Variants in MBD5 observed in about 807,000 individuals in gnomAD.
MBD5 encodes the protein methyl-CpG-binding domain protein 5.
A neutral mutation model predicts 117.3 loss-of-function variants in MBD5; 13 were observed. The observed-to-expected ratio is 0.11, with a 90% CI of 0.07 to 0.18. The LOEUF (loss-of-function observed/expected upper bound fraction) is 0.18, where lower values mean the gene tolerates loss of function less well. Among genes scored for constraint, MBD5 ranks in the 10% least tolerant of loss-of-function variants. The pLI is 1.00. For synonymous variants in MBD5, 727 were observed against 766.4 expected (o/e 0.95, Z 0.85); for missense variants, 1,879 against 2,093.8 (o/e 0.90, Z 2.00).
intron 3 of MBD5, among the ~76,000 whole-genome samples, chr2:148,234,322 G>C (rs567930651): frequency 6.6e-6 from 1 of 152,008 alleles, no homozygotes; most frequent in Non-Finnish European, 1.5e-5. Context: ...CCATGAAAAC[G>C]TGTCTGCTTT....
chr2:148,286,865 T>C (rs1286655206), intron 3 of MBD5, among the ~76,000 whole-genome samples: 10 of 152,188 alleles, frequency 6.6e-5, no homozygotes, highest in African/African-American at 9.7e-5. Context: ...GAAAAATATT[T>C]AACTGAAGGC....
chr2:148,270,052 A>G (rs1040635983), intron 3 of MBD5, among the ~76,000 whole-genome samples: 6 of 152,028 alleles, frequency 3.9e-5, no homozygotes, highest in Non-Finnish European at 8.8e-5. Context: ...GTGTATTATA[A>G]GTTTTTCAAA....
intron 1 of MBD5, chr2:148,028,679 A>C (rs1007057438): frequency 1.3e-5 from 2 of 152,068 alleles, no homozygotes; most frequent in African/African-American, 4.8e-5. Context: ...GCAAATATTG[A>C]TTTTTAAATA....
At chr2:148,298,205 C>T (rs1299523625) in intron 3 of MBD5, among the ~76,000 whole-genome samples, 1 of 152,180 alleles carries the variant, frequency 6.6e-6, no homozygotes, top group African/African-American at 2.4e-5. Flanking sequence ...AGAAAGGGAA[C>T]CCCTGGCCTC....
chr2:148,272,857 T>C (rs78299951), intron 3 of MBD5, among the ~76,000 whole-genome samples: 19,279 of 152,180 alleles, frequency 0.13, 1,455 homozygotes, highest in Non-Finnish European at 0.18. Flanking sequence ...GATATATCTT[T>C]ATGTATCTGT....
At chr2:148,034,941 A>G (rs1573934582) in intron 1 of MBD5, among the ~76,000 whole-genome samples, 1 of 152,170 alleles carries the variant, frequency 6.6e-6, no homozygotes, top group East Asian at 1.9e-4. Context: ...GGGTTTGAGC[A>G]TTGGCTCCAT....
chr2:148,065,489 T>C (rs1424986250), intron 1 of MBD5, among the ~76,000 whole-genome samples: 1 of 152,138 alleles, frequency 6.6e-6, no homozygotes, highest in Non-Finnish European at 1.5e-5. Context: ...AACCAGACTA[T>C]TTCCTTTAAC....
chr2:148,510,923 G>T (rs1453374837), intron 13 of MBD5, among the ~76,000 whole-genome samples: 1 of 152,140 alleles, frequency 6.6e-6, no homozygotes, highest in Non-Finnish European at 1.5e-5. Flanking sequence ...GTTTTCTAGG[G>T]CCAGGCAAAT....
intron 3 of MBD5, among the ~76,000 whole-genome samples, chr2:148,336,747 G>A (rs558620017): frequency 2.0e-5 from 3 of 152,178 alleles, no homozygotes; most frequent in East Asian, 1.9e-4. Flanking sequence ...CTGAGGCATC[G>A]TCAACACTTA....
At chr2:148,090,666 C>T (rs1695917947) in intron 1 of MBD5, among the ~76,000 whole-genome samples, 1 of 151,884 alleles carries the variant, frequency 6.6e-6, no homozygotes, top group Non-Finnish European at 1.5e-5. Context: ...AAAATCCTCA[C>T]CAAAGACAGC....
At chr2:148,338,528 C>T (rs2105115635) in intron 3 of MBD5, among the ~76,000 whole-genome samples, 1 of 152,114 alleles carries the variant, frequency 6.6e-6, no homozygotes, top group Admixed American at 6.5e-5. Context: ...GCAGAAGGAG[C>T]ACAAAAGAGG....
At chr2:148,356,988 T>G (rs1703397339) in intron 4 of MBD5, among the ~76,000 whole-genome samples, 1 of 152,194 alleles carries the variant, frequency 6.6e-6, no homozygotes, top group Non-Finnish European at 1.5e-5. Flanking sequence ...AATTTTTATG[T>G]TTGAATTTTT....
intron 1 of MBD5, among the ~76,000 whole-genome samples, chr2:148,052,853 C>T (rs1255789795): frequency 6.7e-6 from 1 of 150,010 alleles, no homozygotes; most frequent in Non-Finnish European, 1.5e-5. Flanking sequence ...TGTGTATTTA[C>T]TTTAGAAGAA....
chr2:148,325,915 T>C (rs1156596399), intron 3 of MBD5, among the ~76,000 whole-genome samples: 2 of 152,184 alleles, frequency 1.3e-5, no homozygotes, highest in African/African-American at 4.8e-5. Flanking sequence ...CTAGTTCTTT[T>C]AATTGTGATG....
chr2:148,021,208 A>G lies in MBD5; in HGVS notation c.-1401A>G. Reference sequence around the variant, plus strand: ...CAGGACACTAATTCTACCCCACTTCAACCTTGAATTCAGGGGGGTGGGGGG... The same window carrying G: ...CAGGACACTAATTCTACCCCACTTCGACCTTGAATTCAGGGGGGTGGGGGG... On this transcript the variant is annotated 5_prime_UTR_variant, in exon 1 of 14. Transcript: ENST00000642680. 4.1e-6 allele frequency: 1 copy of G among 242,420 alleles called. No individual in the cohort carries two copies. Among genetic ancestry groups the G allele is most frequent in the East Asian group, 1.1e-4 (1 of 8,942 alleles). 15.0% of individuals were successfully genotyped at this position (242,420 alleles called of 1,614,324 possible). A position where few individuals can be genotyped will look rare whatever the true frequency, so the allele number is the denominator to read the frequency against.
chr2:148,061,763 A>T (rs1379906266), intron 1 of MBD5, among the ~76,000 whole-genome samples: 11 of 152,036 alleles, frequency 7.2e-5, no homozygotes, highest in Admixed American at 4.6e-4. Flanking sequence ...TTCATATCAT[A>T]AACATAATTT....
At chr2:148,026,123 G>T (rs775936548) in intron 1 of MBD5, 1 of 152,160 alleles carries the variant, frequency 6.6e-6, no homozygotes, top group Non-Finnish European at 1.5e-5. Flanking sequence ...CTCCTGAGTG[G>T]TGAATTCTGA....
At chr2:148,445,492 T>C (rs1471966202) in intron 4 of MBD5, among the ~76,000 whole-genome samples, 1 of 151,366 alleles carries the variant, frequency 6.6e-6, no homozygotes, top group Non-Finnish European at 1.5e-5. Context: ...CTGCATAGTA[T>C]TCCATGGTGT....
At chr2:148,327,262 C>T (rs942918668) in intron 3 of MBD5, among the ~76,000 whole-genome samples, 1 of 151,944 alleles carries the variant, frequency 6.6e-6, no homozygotes, top group Non-Finnish European at 1.5e-5. Flanking sequence ...CTCTTGCTGC[C>T]CTTAACATTT....
Sources: gnomAD v4.1 joint callset for allele counts (sites outside exome capture counted in the v4.1 genomes callset) on GRCh38, gnomAD v4.1.1 for gene constraint, MANE v1.5 for transcripts, NCBI Gene and HGNC (gene_info 2026-07-23, HGNC 2026-07-21) for gene names.